TCAF1: variants seen among roughly 807,000 people sequenced by gnomAD.
TCAF1 encodes the protein TRPM8 channel-associated factor 1.
TCAF1 carries 4 observed loss-of-function variants against 27.3 expected under a neutral mutation model. The observed-to-expected ratio is 0.15, with a 90% CI of 0.07 to 0.34. The LOEUF is 0.34. Ranked by LOEUF, TCAF1 falls within the 10% of genes least tolerant of loss-of-function variation. The probability of loss-of-function intolerance (pLI) is 1.00; values close to 1 mark genes in which losing one functional copy is unlikely to be tolerated. For synonymous variants in TCAF1, 105 were observed against 167.1 expected, an observed-to-expected ratio of 0.63 and a Z score of 2.87; for missense variants, 257 against 425.8, an observed-to-expected ratio of 0.60 and a Z score of 3.49.
intron 1 of TCAF1, among the ~76,000 whole-genome samples, chr7:143,898,208 A>G (rs1383529609): frequency 6.6e-6 from 1 of 152,164 alleles, no homozygotes; most frequent in African/African-American, 2.4e-5. Context: ...TATGATGGGG[A>G]AGACATTTAC....
chr7:143,883,207 C>A (rs1482210615), intron 1 of TCAF1, among the ~76,000 whole-genome samples: 2 of 152,048 alleles, frequency 1.3e-5, no homozygotes, highest in African/African-American at 2.4e-5. Context: ...TGATATATTG[C>A]CAAGGGGAAA....
rs1811936139 is a variant in TCAF1 at position 143,860,045 on chromosome 7, A to ATATATAATATATAT, written c.2167+162_2167+163insATATATATTATATA. On this transcript the variant is annotated intron_variant, in intron 6 of 8. Transcript: ENST00000479870. The stretch of plus-strand genomic sequence containing the variant: ...TTATATATTATATATATAATATATA[A>ATATATAATATATAT]TATATATTATATATATTTCCTTCCC... Among the ~76,000 whole-genome samples, 9 of 33,150 alleles carry ATATATAATATATAT rather than the reference A, an allele frequency of 2.7e-4. 2 individuals carry two copies. Among genetic ancestry groups the ATATATAATATATAT allele is most frequent in the African/African-American group, 1.4e-3 (9 of 6,208 alleles). The allele number at this position is 33,150 out of a possible 152,430, so 21.7% of individuals were successfully genotyped here. A position where few individuals can be genotyped will look rare whatever the true frequency, so the allele number is the denominator to read the frequency against.
intron 1 of TCAF1, among the ~76,000 whole-genome samples, chr7:143,888,555 G>T (rs1213211802): frequency 6.6e-6 from 1 of 152,152 alleles, no homozygotes; most frequent in Admixed American, 6.5e-5. Flanking sequence ...AGATCAATGA[G>T]AATGAATAAT....
intron 2 of TCAF1, among the ~76,000 whole-genome samples, chr7:143,875,193 T>G (rs17164396): frequency 0.46 from 69,672 of 152,058 alleles, 17,244 homozygotes; most frequent in Admixed American, 0.56. Context: ...CTGAGAATGC[T>G]GAGAGTTTTA....
intron 1 of TCAF1, chr7:143,885,550 A>C (rs1450327913): frequency 1.0e-6 from 1 of 985,334 alleles, no homozygotes; most frequent in East Asian, 1.1e-4. Context: ...TTTGTTTCAA[A>C]GTAAATCGTT....
At chr7:143,860,002 A>ATATATATAATATATATTATATAT (rs1563211956) in intron 6 of TCAF1, among the ~76,000 whole-genome samples, 1 of 4,656 alleles carries the variant, frequency 2.1e-4, no homozygotes, top group African/African-American at 4.2e-4. Flanking sequence ...ATATTATATA[A>ATATATATAATATATATTATATAT]TATATATATA....
chr7:143,883,131 A>T (rs549386442), intron 1 of TCAF1, among the ~76,000 whole-genome samples: 1 of 152,158 alleles, frequency 6.6e-6, no homozygotes, highest in Admixed American at 6.5e-5. Context: ...TGGGACAAAC[A>T]TTCTGCTTAG....
chr7:143,900,910 T>C (rs1279695536), intron 1 of TCAF1, among the ~76,000 whole-genome samples: 1 of 152,204 alleles, frequency 6.6e-6, no homozygotes, highest in Non-Finnish European at 1.5e-5. Context: ...AATGTCATTA[T>C]AATGAGAAAG....
intron 2 of TCAF1, among the ~76,000 whole-genome samples, chr7:143,871,563 C>A (rs1309701125): frequency 2.5e-5 from 1 of 40,042 alleles, no homozygotes; most frequent in Non-Finnish European, 5.5e-5. Context: ...GAGGTAAGTG[C>A]TAAGATGTTA....
intron 1 of TCAF1, among the ~76,000 whole-genome samples, chr7:143,892,433 A>G (rs760392891): frequency 6.6e-6 from 1 of 152,066 alleles, no homozygotes; most frequent in Non-Finnish European, 1.5e-5. Flanking sequence ...AAATTAATAG[A>G]AAGTGTTGAA....
At chr7:143,877,020 A>T (rs1248977298) in intron 1 of TCAF1, among the ~76,000 whole-genome samples, 1 of 152,210 alleles carries the variant, frequency 6.6e-6, no homozygotes, top group African/African-American at 2.4e-5. Context: ...CCAATGACTG[A>T]TGTCCTTGTA....
chr7:143,890,051 C>T (rs1052248914), intron 1 of TCAF1, among the ~76,000 whole-genome samples: 3 of 151,876 alleles, frequency 2.0e-5, no homozygotes, highest in Admixed American at 6.6e-5. Context: ...TGCAGTGGCT[C>T]GATCTCGGCT....
chr7:143,881,400 C>A (rs1335024119), intron 1 of TCAF1, among the ~76,000 whole-genome samples: 1 of 152,130 alleles, frequency 6.6e-6, no homozygotes, highest in Non-Finnish European at 1.5e-5. Flanking sequence ...CTCCTTCATG[C>A]TGTTTTTTTC....
At chr7:143,859,702 TGTTCTTAAA>T (rs1811770413) in intron 6 of TCAF1, among the ~76,000 whole-genome samples, 1 of 146,640 alleles carries the variant, frequency 6.8e-6, no homozygotes, top group South Asian at 2.1e-4. Flanking sequence ...TTATTCAGTG[TGTTCTTAAA>T]GTTGTAAAAT....
intron 1 of TCAF1, among the ~76,000 whole-genome samples, chr7:143,899,861 G>T (rs1398441749): frequency 6.6e-6 from 1 of 152,140 alleles, no homozygotes; most frequent in East Asian, 1.9e-4. Context: ...TTCACAAAGA[G>T]AAAGCACTGA....
At chr7:143,889,383 A>G (rs78226904) in intron 1 of TCAF1, among the ~76,000 whole-genome samples, 3,307 of 152,152 alleles carry the variant, frequency 0.022, 134 homozygotes, top group African/African-American at 0.074. Context: ...AGAAGAGAAG[A>G]CACCAAAGAC....
At chr7:143,876,657 A>G (rs1812736658) in intron 1 of TCAF1, 35 bp from the exon 2 acceptor site, 1 of 1,454,176 alleles carries the variant, frequency 6.9e-7, no homozygotes, top group African/African-American at 1.4e-5. Flanking sequence ...AGCTTAGCGA[A>G]GAATGGATAA....
chr7:143,880,900 G>A (rs1419279206), intron 1 of TCAF1, among the ~76,000 whole-genome samples: 1 of 152,120 alleles, frequency 6.6e-6, no homozygotes, highest in Non-Finnish European at 1.5e-5. Context: ...AATAAAACCT[G>A]GGGGAAATGT....
At chr7:143,882,642 T>TG in intron 1 of TCAF1, 1 of 802,134 alleles carries the variant, frequency 1.2e-6, no homozygotes, top group Non-Finnish European at 1.5e-6. Context: ...CGCCCCGGCC[T>TG]CCCGCCCTGC....
Sources: gnomAD v4.1 joint callset for allele counts (sites outside exome capture counted in the v4.1 genomes callset) on GRCh38, gnomAD v4.1.1 for gene constraint, MANE v1.5 for transcripts, NCBI Gene and HGNC (gene_info 2026-07-23, HGNC 2026-07-21) for gene names.